Variants in RHOT1 observed in about 807,000 individuals in gnomAD.
RHOT1 encodes ras homolog family member T1.
A neutral mutation model predicts 95.3 loss-of-function variants in RHOT1; 27 were observed. The ratio of observed to expected loss-of-function variants is 0.28; its 90% confidence interval spans 0.21 to 0.39. The LOEUF is 0.39. RHOT1 is among the 10% of genes least tolerant of loss of function. The pLI, the probability that RHOT1 is intolerant of heterozygous loss-of-function variation, is 1.00. For synonymous variants in RHOT1, 227 were observed against 263.5 expected, an observed-to-expected ratio of 0.86 and a Z score of 1.34; for missense variants, 578 against 786.7, an observed-to-expected ratio of 0.73 and a Z score of 3.17.
chr17:32,164,747 G>T (rs79194949), intron 1 of RHOT1, among the ~76,000 whole-genome samples: 1 of 151,604 alleles, frequency 6.6e-6, no homozygotes, highest in Non-Finnish European at 1.5e-5. Flanking sequence ...CACACCTGTA[G>T]TCCCAGCTAC....
intron 19 of RHOT1, among the ~76,000 whole-genome samples, chr17:32,219,156 G>A (rs2038670323): frequency 6.6e-6 from 1 of 152,116 alleles, no homozygotes. Context: ...GAAATTGTGT[G>A]GGAAGACTGA....
At chr17:32,149,818 G>A (rs1457692302) in intron 1 of RHOT1, among the ~76,000 whole-genome samples, 2 of 151,168 alleles carry the variant, frequency 1.3e-5, no homozygotes, top group African/African-American at 2.4e-5. Flanking sequence ...GCATGATCTC[G>A]GCTCACTGTA....
At chr17:32,169,548 G>T (rs188888596) in intron 1 of RHOT1, among the ~76,000 whole-genome samples, 2 of 152,294 alleles carry the variant, frequency 1.3e-5, no homozygotes, top group East Asian at 3.9e-4. Flanking sequence ...GCAGAGAAAT[G>T]AGCATTCTGA....
chr17:32,203,809 C>G (rs2037500681), intron 15 of RHOT1, 81 bp from the exon 16 acceptor site: 3 of 940,836 alleles, frequency 3.2e-6, no homozygotes, highest in Non-Finnish European at 1.7e-6. Context: ...TTATAACACA[C>G]CTGCACATAT....
intron 18 of RHOT1, 29 bp from the exon 19 acceptor site, chr17:32,211,087 A>G: frequency 6.3e-7 from 1 of 1,577,918 alleles, no homozygotes; most frequent in Non-Finnish European, 8.7e-7. Flanking sequence ...GTAAGAACTC[A>G]ACTCCTGTCC....
chr17:32,176,587 T>TTTATTTAC (rs1289934665), intron 6 of RHOT1, among the ~76,000 whole-genome samples: 1 of 142,888 alleles, frequency 7.0e-6, no homozygotes, highest in African/African-American at 2.8e-5. Context: ...TATTTATTTA[T>TTTATTTAC]TTTGAGACAG....
intron 1 of RHOT1, among the ~76,000 whole-genome samples, chr17:32,164,330 T>A (rs1435356564): frequency 6.6e-6 from 1 of 150,992 alleles, no homozygotes; most frequent in African/African-American, 2.4e-5. Flanking sequence ...GCCTCCCGGG[T>A]TCAAGCGATT....
chr17:32,224,736 T>TA lies in RHOT1; in HGVS notation c.*8dup. 1 of 1,556,700 alleles carries TA rather than the reference T, an allele frequency of 6.4e-7. No homozygotes were observed. The highest frequency in any genetic ancestry group is 8.8e-7 in the Non-Finnish European group (1 of 1,130,500). Reference sequence around the variant, plus strand: ...AAGCATTATTGAAACAGCGATGATATAAAAAGAAATACTGTCCCTACCAAA... The same window carrying TA: ...AAGCATTATTGAAACAGCGATGATATAAAAAAGAAATACTGTCCCTACCAAA... On this transcript the variant is annotated 3_prime_UTR_variant, in exon 20 of 20. Coordinates refer to ENST00000545287, the MANE Select transcript of RHOT1 (RefSeq NM_001033566.3).
intron 1 of RHOT1, among the ~76,000 whole-genome samples, chr17:32,155,965 C>T (rs1260745872): frequency 6.6e-6 from 1 of 152,152 alleles, no homozygotes; most frequent in Non-Finnish European, 1.5e-5. Flanking sequence ...TCAGGATGTA[C>T]TACTATGAAT....
chr17:32,211,018 C>T (rs965348966), intron 18 of RHOT1, 98 bp from the exon 19 acceptor site: 2 of 1,236,710 alleles, frequency 1.6e-6, no homozygotes, highest in Non-Finnish European at 2.2e-6. Flanking sequence ...AAGAGTGTTG[C>T]TTATGCCTAA....
chr17:32,153,644 G>A (rs2142389926), intron 1 of RHOT1, among the ~76,000 whole-genome samples: 1 of 152,294 alleles, frequency 6.6e-6, no homozygotes. Context: ...GGGCAAAAGA[G>A]TGAGACCCTG....
intron 1 of RHOT1, among the ~76,000 whole-genome samples, chr17:32,151,863 C>T (rs900478412): frequency 3.2e-5 from 4 of 125,616 alleles, no homozygotes; most frequent in Non-Finnish European, 4.7e-5. Context: ...GCCTGGGCGA[C>T]AGAGCGAGAC....
chr17:32,160,292 T>C (rs1196778366), intron 1 of RHOT1: 2 of 152,198 alleles, frequency 1.3e-5, no homozygotes, highest in Admixed American at 1.3e-4. Context: ...TGGGACACCC[T>C]GGCTACAGAG....
intron 19 of RHOT1, among the ~76,000 whole-genome samples, chr17:32,216,934 CTGTT>C (rs1240756386): frequency 6.6e-6 from 1 of 152,052 alleles, no homozygotes; most frequent in Non-Finnish European, 1.5e-5. Flanking sequence ...CCTTATAAGA[CTGTT>C]TGTGAATTTG....
rs186975047 is a variant in RHOT1, at chr17:32,163,399, A to C, written c.38-7644A>C. Among the ~76,000 whole-genome samples the C allele has an allele frequency of 4.2e-3, 641 of 152,322 alleles. 1 individual carries two copies. The highest frequency in any genetic ancestry group is 6.4e-3 in the Non-Finnish European group (435 of 68,024). On this transcript the variant is annotated intron_variant, in intron 1 of 19. Transcript: ENST00000545287. Reference sequence around the variant, plus strand: ...AAGAATGATGAATCGGAGATGGTACATTTTTAAAATTTTTCTTTTTATCCA... The same window carrying C: ...AAGAATGATGAATCGGAGATGGTACCTTTTTAAAATTTTTCTTTTTATCCA...
intron 11 of RHOT1, among the ~76,000 whole-genome samples, chr17:32,197,541 T>G (rs2142811003): frequency 6.6e-6 from 1 of 152,156 alleles, no homozygotes; most frequent in East Asian, 2.0e-4. Context: ...TTCTCCTACC[T>G]CAGCCTCCCG....
intron 8 of RHOT1, among the ~76,000 whole-genome samples, chr17:32,189,179 G>C (rs912183239): frequency 1.3e-5 from 2 of 152,126 alleles, no homozygotes; most frequent in Non-Finnish European, 2.9e-5. Context: ...GGCACCTGTA[G>C]CCCTAGCTAC....
chr17:32,162,725 T>C (rs1230728729), intron 1 of RHOT1, among the ~76,000 whole-genome samples: 1 of 152,210 alleles, frequency 6.6e-6, no homozygotes. Flanking sequence ...TTTCCAAATA[T>C]TTGGTTATTG....
chr17:32,221,282 C>T (rs2038815804), intron 19 of RHOT1: 1 of 150,762 alleles, frequency 6.6e-6, no homozygotes, highest in Non-Finnish European at 1.5e-5. Flanking sequence ...GCAGGAGAAT[C>T]ATTTGAACTT....
Sources: gnomAD v4.1 joint callset for allele counts (sites outside exome capture counted in the v4.1 genomes callset) on GRCh38, gnomAD v4.1.1 for gene constraint, MANE v1.5 for transcripts, NCBI Gene and HGNC (gene_info 2026-07-23, HGNC 2026-07-21) for gene names.